Variants in CD69 observed in about 807,000 individuals in gnomAD.
CD69 encodes early activation antigen CD69.
CD69 carries 10 observed loss-of-function variants against 21.4 expected under a neutral mutation model. That is an observed-to-expected ratio of 0.47 (90% confidence interval 0.29 to 0.79). The LOEUF is 0.79. CD69 is among the 30% of genes least tolerant of loss of function. The pLI is 0.09. For synonymous variants in CD69, 63 were observed against 78.2 expected (o/e 0.81, Z 1.03); for missense variants, 204 against 236.9 (o/e 0.86, Z 0.91).
chr12:9,759,740 T>G (rs913644630), intron 1 of CD69, among the ~76,000 whole-genome samples: 4 of 152,342 alleles, frequency 2.6e-5, no homozygotes, highest in Non-Finnish European at 4.4e-5. Context: ...CATATCCCTT[T>G]GTTAATAGAT....
In CD69 at chr12:9,754,688, G is replaced by A; in HGVS notation, c.390C>T (p.Asn130=). The change falls in exon 4 of 5, where the codon AAC becomes AAT. Residue 130 remains asparagine (N), a splice_region_variant and synonymous_variant. Transcript: ENST00000228434. ...CTCTACCTGCGTATCGTTTTAGAAA[G>A]TTCTTAAAGAAAGCACAAAGGAGTT... ...LAVIDSEKDM[N]FLKRYAGREE... 1 of 1,591,618 alleles carries A rather than the reference G, an allele frequency of 6.3e-7. No homozygotes were observed. The highest frequency in any genetic ancestry group is 1.3e-5 in the African/African-American group (1 of 74,570).
intron 2 of CD69, 82 bp downstream of exon 2, chr12:9,756,210 AACTAG>A: frequency 8.0e-7 from 1 of 1,254,254 alleles, no homozygotes; most frequent in Non-Finnish European, 1.1e-6. Context: ...GTTTCTGATT[AACTAG>A]ACTAAACTAA....
chr12:9,760,626 A>C, intron 1 of CD69, 131 bp downstream of exon 1: 1 of 642,176 alleles, frequency 1.6e-6, no homozygotes, highest in Non-Finnish European at 2.6e-6. Context: ...TCACATACAT[A>C]GAGATTAGCA....
chr12:9,760,887 G>C lies in CD69; in HGVS notation c.-67C>G. On this transcript the variant is annotated 5_prime_UTR_variant, in exon 1 of 5. Transcript: ENST00000228434. ...AGCTACAGTGAAAGTCTTTGCTGGAGCTCTTGTTGAGTCTGTGAGGCTCTG... is the reference window on the plus strand; with the variant it reads ...AGCTACAGTGAAAGTCTTTGCTGGACCTCTTGTTGAGTCTGTGAGGCTCTG... The C allele has an allele frequency of 7.5e-7, 1 of 1,330,678 alleles. No individual in the cohort carries two copies. Among genetic ancestry groups the C allele is most frequent in the Admixed American group, 1.7e-5 (1 of 59,528 alleles). The allele number at this position is 1,330,678 out of a possible 1,614,324, so 82.4% of individuals were successfully genotyped here.
At chr12:9,755,300 A>G (rs750646102) in intron 2 of CD69, 39 bp from the exon 3 acceptor site, 1 of 1,532,080 alleles carries the variant, frequency 6.5e-7, no homozygotes, top group Admixed American at 1.7e-5. Context: ...TAACAAAAGA[A>G]ACCAAATACC....
Position 9,753,661 on chromosome 12 carries a change from C to T in CD69, c.492-72G>A, listed in dbSNP as rs1009833378. ...TCATTCAGTTACATGAGAATGAACT[C>T]GGAGATGGTGACCTCTGCTTCTTTT... On this transcript the variant is annotated intron_variant, in intron 4 of 4. Coordinates refer to ENST00000228434, the MANE Select transcript of CD69 (RefSeq NM_001781.2). 26 of 647,096 alleles carry T rather than the reference C, an allele frequency of 4.0e-5. No homozygotes were observed. The East Asian group carries it at 6.0e-4, about 15-fold the overall frequency. The allele number at this position is 647,096 out of a possible 1,614,324, so 40.1% of individuals were successfully genotyped here. A position where few individuals can be genotyped will look rare whatever the true frequency, so the allele number is the denominator to read the frequency against.
At position 9,753,993 on chromosome 12, in the gene CD69, G is replaced by A. The variant is rs3176799; in HGVS notation, c.492-404C>T. On this transcript the variant is annotated intron_variant, in intron 4 of 4. Coordinates refer to ENST00000228434, the MANE Select transcript of CD69 (RefSeq NM_001781.2). ...TATGGAGCCATAGGACAAATATTAG[G>A]AATCCCTTTTCTAGAAACCTGAATT... 1,411 of 155,010 alleles carry A rather than the reference G, an allele frequency of 9.1e-3. 22 individuals carry two copies. Among genetic ancestry groups the A allele is most frequent in the African/African-American group, 0.032 (1,345 of 41,642 alleles). 9.6% of individuals were successfully genotyped at this position (155,010 alleles called of 1,614,324 possible). A position where few individuals can be genotyped will look rare whatever the true frequency, so the allele number is the denominator to read the frequency against.
At chr12:9,758,746 A>G (rs1866702733) in intron 1 of CD69, among the ~76,000 whole-genome samples, 1 of 152,070 alleles carries the variant, frequency 6.6e-6, no homozygotes, top group South Asian at 2.1e-4. Flanking sequence ...TTCACTTCAC[A>G]TTATGTGAGT....
At chr12:9,756,568 T>C in intron 1 of CD69, 149 bp from the exon 2 acceptor site, 1 of 612,642 alleles carries the variant, frequency 1.6e-6, no homozygotes, top group Non-Finnish European at 2.6e-6. Flanking sequence ...CTAAGTTAAT[T>C]TACCCCCAAT....
intron 1 of CD69, 96 bp downstream of exon 1, chr12:9,760,661 C>G (rs779442801): frequency 1.2e-6 from 1 of 851,306 alleles, no homozygotes; most frequent in African/African-American, 1.7e-5. Context: ...GATTATATAT[C>G]ATATATAGAG....
chr12:9,755,247 AATTGT>A lies in CD69; in HGVS notation c.197_201del (p.Tyr66LeufsTer20). The stretch of plus-strand genomic sequence containing the variant: ...ATTGAGAATGTGTATTGGCCTGGAC[AATTGT>A]ATTGGCCCACTGTGAACAGAAAAAT... On this transcript the variant is annotated frameshift_variant, in exon 3 of 5. Transcript: ENST00000228434. LOFTEE classifies it high-confidence loss of function. The A allele has an allele frequency of 6.2e-7, 1 of 1,614,024 alleles. No individual in the cohort carries two copies. Among genetic ancestry groups the A allele is most frequent in the Non-Finnish European group, 8.5e-7 (1 of 1,179,848 alleles).
chr12:9,757,160 G>A (rs1651133353), intron 1 of CD69, among the ~76,000 whole-genome samples: 1 of 152,132 alleles, frequency 6.6e-6, no homozygotes, highest in Admixed American at 6.5e-5. Flanking sequence ...GAGAAATGAT[G>A]TGAATGGGAT....
intron 4 of CD69, 93 bp downstream of exon 4, chr12:9,754,494 C>A: frequency 1.3e-6 from 1 of 767,518 alleles, no homozygotes; most frequent in Admixed American, 1.9e-5. Flanking sequence ...AAGAGCTCAG[C>A]CTTTATATTT....
At chr12:9,756,107 A>G (rs1303678518) in intron 2 of CD69, 190 bp downstream of exon 2, 1 of 383,718 alleles carries the variant, frequency 2.6e-6, no homozygotes, top group African/African-American at 2.1e-5. Context: ...TTATAAAAGT[A>G]TTACATTAAT....
At chr12:9,758,548 T>C (rs1866701120) in intron 1 of CD69, among the ~76,000 whole-genome samples, 2 of 152,172 alleles carry the variant, frequency 1.3e-5, no homozygotes, top group South Asian at 4.1e-4. Flanking sequence ...AACTTTTGCT[T>C]TATCTGGAAG....
intron 1 of CD69, 150 bp downstream of exon 1, chr12:9,760,607 C>A: frequency 1.9e-6 from 1 of 525,272 alleles, no homozygotes; most frequent in South Asian, 3.4e-5. Context: ...CCCTAACAAC[C>A]ATTAGATATC....
chr12:9,758,006 A>G (rs189973511), intron 1 of CD69, among the ~76,000 whole-genome samples: 33 of 152,298 alleles, frequency 2.2e-4, no homozygotes, highest in African/African-American at 6.3e-4. Flanking sequence ...TAGACCAAAT[A>G]TTCAGCGAAA....
intron 1 of CD69, 37 bp from the exon 2 acceptor site, chr12:9,756,456 C>T (rs1243534022): frequency 3.8e-6 from 6 of 1,578,368 alleles, no homozygotes; most frequent in Non-Finnish European, 5.2e-6. Flanking sequence ...TTCAGGCAGA[C>T]TATAGAAGTA....
At chr12:9,753,832 A>G (rs1355650686) in intron 4 of CD69, among the ~76,000 whole-genome samples, 1 of 152,204 alleles carries the variant, frequency 6.6e-6, no homozygotes, top group African/African-American at 2.4e-5. Flanking sequence ...ATGGCACCAG[A>G]TAAGTGATTC....
Sources: allele counts gnomAD v4.1 joint callset (sites outside exome capture counted in the v4.1 genomes callset), GRCh38; gene constraint gnomAD v4.1.1; transcripts MANE v1.5; gene names NCBI Gene and HGNC (gene_info 2026-07-23, HGNC 2026-07-21).